Variants in VPS13B observed in about 807,000 individuals in gnomAD.
VPS13B encodes the protein vacuolar protein sorting 13 homolog B, also known as intermembrane lipid transfer protein VPS13B.
In VPS13B, 285 loss-of-function variants were observed where a neutral mutation model predicts 426.4. The ratio of observed to expected loss-of-function variants is 0.67; its 90% CI spans 0.61 to 0.74. The LOEUF (loss-of-function observed/expected upper bound fraction) is 0.74. Ranked by LOEUF, VPS13B falls within the 30% of genes least tolerant of loss-of-function variation. VPS13B has a pLI of 0.00. For missense variants in VPS13B, 4,537 were observed against 4,782.6 expected (o/e 0.95, Z 1.51); for synonymous variants, 1,676 against 1,676.4 (o/e 1.00, Z 0.01).
chr8:99,601,512 C>T (rs1342232284), intron 33 of VPS13B, among the ~76,000 whole-genome samples: 1 of 152,070 alleles, frequency 6.6e-6, no homozygotes, highest in East Asian at 1.9e-4. Context: ...TGGGTATATC[C>T]CCAGTAATGG....
At chr8:99,339,167 A>G (rs2133179315) in intron 19 of VPS13B, among the ~76,000 whole-genome samples, 1 of 152,256 alleles carries the variant, frequency 6.6e-6, no homozygotes, top group Middle Eastern at 3.4e-3. Flanking sequence ...TGCTATTTGT[A>G]TTCTTTTGAA....
Position 99,557,139 on chromosome 8 carries a change from T to C in VPS13B, c.4949+486T>C, listed in dbSNP as rs574968853. On this transcript the variant is annotated intron_variant, in intron 31 of 61. Coordinates refer to ENST00000357162, the MANE Select transcript of VPS13B (RefSeq NM_152564.5). ...AAGCAACTATGTTGATAGATCTTTTTAAATTTTTTTTATTTCAATAGTTTT... is the reference window on the plus strand; with the variant it reads ...AAGCAACTATGTTGATAGATCTTTTCAAATTTTTTTTATTTCAATAGTTTT... Among the ~76,000 whole-genome samples, 8 of 152,244 alleles carry C rather than the reference T, an allele frequency of 5.3e-5. No homozygotes were observed. The South Asian group carries it at 1.7e-3, about 32-fold the overall frequency.
chr8:99,121,677 G>T, intron 8 of VPS13B: 1 of 1,186,374 alleles, frequency 8.4e-7, no homozygotes. Context: ...TTAGCTTCAT[G>T]GATAGTTTTT....
At chr8:99,447,129 T>G (rs1310203552) in intron 23 of VPS13B, among the ~76,000 whole-genome samples, 1 of 152,174 alleles carries the variant, frequency 6.6e-6, no homozygotes, top group Non-Finnish European at 1.5e-5. Flanking sequence ...CTTATTTTCC[T>G]TAGAAATTTC....
chr8:99,391,248 A>T (rs1044820799), intron 20 of VPS13B, among the ~76,000 whole-genome samples: 1 of 152,008 alleles, frequency 6.6e-6, no homozygotes, highest in Non-Finnish European at 1.5e-5. Flanking sequence ...TCTTACTAAA[A>T]CTTACATTTT....
chr8:99,351,076 C>A (rs1033697094), intron 19 of VPS13B, among the ~76,000 whole-genome samples: 1 of 152,104 alleles, frequency 6.6e-6, no homozygotes, highest in African/African-American at 2.4e-5. Flanking sequence ...CCCAGGGAGA[C>A]TTCCCCTACC....
intron 14 of VPS13B, among the ~76,000 whole-genome samples, chr8:99,154,252 C>T (rs1329799531): frequency 6.6e-6 from 1 of 151,446 alleles, no homozygotes; most frequent in Non-Finnish European, 1.5e-5. Flanking sequence ...AACTCACAGT[C>T]ATTATTGTTT....
intron 3 of VPS13B, among the ~76,000 whole-genome samples, chr8:99,086,509 C>T (rs193019724): frequency 6.2e-4 from 94 of 152,318 alleles, no homozygotes; most frequent in African/African-American, 1.8e-3. Context: ...TGAGGAGCTG[C>T]GTTCCTTTGG....
At chr8:99,402,383 G>A (rs991623654) in intron 21 of VPS13B, among the ~76,000 whole-genome samples, 1 of 152,156 alleles carries the variant, frequency 6.6e-6, no homozygotes, top group Non-Finnish European at 1.5e-5. Flanking sequence ...ATATTCCATG[G>A]TGATATGACT....
intron 52 of VPS13B, among the ~76,000 whole-genome samples, chr8:99,834,542 T>TTA (rs1554574779): frequency 6.8e-6 from 1 of 146,276 alleles, no homozygotes. Flanking sequence ...TATTTTTATT[T>TTA]TTTATTTTTT....
At chr8:99,861,727 C>T in intron 57 of VPS13B, 49 bp from the exon 58 acceptor site, 1 of 1,561,088 alleles carries the variant, frequency 6.4e-7, no homozygotes. Flanking sequence ...GCCTTGGGGT[C>T]CATCATGTAT....
At chr8:99,249,192 G>C (rs1563625679) in intron 17 of VPS13B, among the ~76,000 whole-genome samples, 1 of 152,090 alleles carries the variant, frequency 6.6e-6, no homozygotes, top group East Asian at 1.9e-4. Context: ...AAGTTGTTGT[G>C]TGTATCAATA....
At chr8:99,550,774 T>C (rs754790840) in intron 30 of VPS13B, among the ~76,000 whole-genome samples, 1 of 152,100 alleles carries the variant, frequency 6.6e-6, no homozygotes, top group Non-Finnish European at 1.5e-5. Context: ...ACTTTTATTA[T>C]GATTTTTTTG....
intron 23 of VPS13B, among the ~76,000 whole-genome samples, chr8:99,452,984 A>G (rs567795256): frequency 3.9e-5 from 6 of 152,134 alleles, no homozygotes; most frequent in Non-Finnish European, 7.4e-5. Context: ...TGCCTAAGAG[A>G]GGTTTGTTTT....
intron 30 of VPS13B, among the ~76,000 whole-genome samples, chr8:99,552,876 GT>G (rs1357996320): frequency 6.6e-6 from 1 of 152,018 alleles, no homozygotes; most frequent in East Asian, 1.9e-4. Flanking sequence ...GCACTTAGTT[GT>G]GTTAATGTAT....
At chr8:99,467,744 T>C (rs1258532118) in intron 24 of VPS13B, 110 bp downstream of exon 24, 1 of 1,174,076 alleles carries the variant, frequency 8.5e-7, no homozygotes. Context: ...AAATTATTTT[T>C]AACTTGGCCA....
At chr8:99,279,301 A>AT (rs1005974982) in intron 19 of VPS13B, among the ~76,000 whole-genome samples, 4 of 152,118 alleles carry the variant, frequency 2.6e-5, no homozygotes, top group African/African-American at 9.7e-5. Flanking sequence ...TATTATTATT[A>AT]TTTTTTAGAC....
intron 17 of VPS13B, among the ~76,000 whole-genome samples, chr8:99,219,272 T>C (rs914224652): frequency 3.9e-5 from 6 of 152,216 alleles, no homozygotes; most frequent in African/African-American, 1.2e-4. Context: ...GCCCACTGAA[T>C]AGCTGGAGCT....
At chr8:99,193,972 A>G (rs1358847822) in intron 17 of VPS13B, among the ~76,000 whole-genome samples, 1 of 152,138 alleles carries the variant, frequency 6.6e-6, no homozygotes, top group Non-Finnish European at 1.5e-5. Context: ...ATTCATTTAC[A>G]TTTCATATAC....
Sources: allele counts gnomAD v4.1 joint callset (sites outside exome capture counted in the v4.1 genomes callset), GRCh38; gene constraint gnomAD v4.1.1; transcripts MANE v1.5; gene names NCBI Gene and HGNC (gene_info 2026-07-23, HGNC 2026-07-21).